MIB1: variants seen among roughly 807,000 people sequenced by gnomAD.
MIB1 encodes MIB E3 ubiquitin protein ligase 1.
Under a neutral mutation model 124.5 loss-of-function variants are expected in MIB1, and 278 were observed. The observed-to-expected ratio is 2.23, with a 90% confidence interval of 2.02 to 2.47. MIB1 has a LOEUF of 2.47. Among genes scored for constraint, MIB1 ranks in the 30% most tolerant of loss-of-function variants. The probability of loss-of-function intolerance (pLI) is 0.00; values close to 1 mark genes in which losing one functional copy is unlikely to be tolerated. For synonymous variants in MIB1, 446 were observed against 429.4 expected (o/e 1.04, Z -0.48); for missense variants, 957 against 1,254.4 (o/e 0.76, Z 3.58).
intron 1 of MIB1, among the ~76,000 whole-genome samples, chr18:21,754,942 T>A (rs368282078): frequency 6.6e-6 from 1 of 152,014 alleles, no homozygotes; most frequent in Non-Finnish European, 1.5e-5. Flanking sequence ...ATGAGGAGGG[T>A]CTACAGTATT....
Position 21,799,837 on chromosome 18 carries a change from A to G in MIB1, c.1238-4A>G. ...TATTAGCAGCTTTATTTGATGCTTT[A>G]CAGAAAGACTCTCACAACTCCTGAA... On this transcript the variant is annotated splice_region_variant and splice_polypyrimidine_tract_variant and intron_variant, in intron 8 of 20. Transcript: ENST00000261537. 2 of 1,608,916 alleles carry G rather than the reference A, an allele frequency of 1.2e-6. No individual in the cohort carries two copies. Among genetic ancestry groups the G allele is most frequent in the Non-Finnish European group, 1.7e-6 (2 of 1,176,802 alleles).
chr18:21,815,452 G>A (rs995262255), intron 10 of MIB1, among the ~76,000 whole-genome samples, 164 bp from the exon 11 acceptor site: 3 of 151,992 alleles, frequency 2.0e-5, no homozygotes, highest in South Asian at 4.2e-4. Flanking sequence ...CAAAGTGCTG[G>A]GATTACAGGC....
At chr18:21,774,691 C>T (rs1345242732) in intron 4 of MIB1, among the ~76,000 whole-genome samples, 5 of 152,000 alleles carry the variant, frequency 3.3e-5, no homozygotes, top group African/African-American at 7.2e-5. Flanking sequence ...GAATACATTC[C>T]GTATTCAAAG....
rs2040855129 is a variant in MIB1 at position 21,741,748 on chromosome 18, C to T, written c.165C>T (p.Gly55=). 1 of 1,611,032 alleles carries T rather than the reference C, an allele frequency of 6.2e-7. No individual in the cohort carries two copies. Among genetic ancestry groups the T allele is most frequent in the East Asian group, 2.2e-5 (1 of 44,768 alleles). ...PEEVVVVWDN[G]TAANYRCSGA... The stretch of plus-strand genomic sequence containing the variant: ...AGGTGGTGGTAGTGTGGGACAACGG[C>T]ACAGCTGCCAACTACCGCTGCTCCG... The change falls in exon 1 of 21, where the codon GGC becomes GGT. Residue 55 remains glycine (G), a synonymous_variant. Coordinates refer to ENST00000261537, the MANE Select transcript of MIB1 (RefSeq NM_020774.4). This position sits in a 1 kb window ranked among gnomAD's most constrained non-coding sequence, Gnocchi z 5.4.
At chr18:21,781,958 G>C (rs1178934032) in intron 6 of MIB1, among the ~76,000 whole-genome samples, 3 of 151,796 alleles carry the variant, frequency 2.0e-5, no homozygotes, top group Non-Finnish European at 4.4e-5. Flanking sequence ...GAAAAATCCA[G>C]CTTTTCATTT....
intron 10 of MIB1, among the ~76,000 whole-genome samples, chr18:21,814,788 G>C (rs1243316746): frequency 6.6e-6 from 1 of 151,102 alleles, no homozygotes; most frequent in Non-Finnish European, 1.5e-5. Flanking sequence ...TGGCCAGGCT[G>C]GTCTTGAACT....
rs1268225863 is a variant in MIB1 at position 21,870,852 on chromosome 18, CTG to C, written c.*6188_*6189del. 1 of 151,998 alleles carries C rather than the reference CTG, an allele frequency of 6.6e-6. No individual in the cohort carries two copies. The highest frequency in any genetic ancestry group is 2.4e-5 in the African/African-American group (1 of 41,382). 9.4% of individuals were successfully genotyped at this position (151,998 alleles called of 1,614,324 possible). On this transcript the variant is annotated 3_prime_UTR_variant, in exon 21 of 21. Coordinates refer to ENST00000261537, the MANE Select transcript of MIB1 (RefSeq NM_020774.4). ...TTTATTTTGAGTAACCTCTAATTAA[CTG>C]TATTTTTTTGTTTCTGTTGCTGTAT...
chr18:21,723,960 T>C (rs2040726383), intron 1 of MIB1, among the ~76,000 whole-genome samples: 2 of 152,116 alleles, frequency 1.3e-5, no homozygotes, highest in African/African-American at 2.4e-5. Context: ...TGCCTTGGCC[T>C]CCCAAAGTGC....
rs537212522 is a variant in MIB1 at position 21,773,605 on chromosome 18, T to A, written c.532-19T>A. On this transcript the variant is annotated intron_variant, in intron 3 of 20. Coordinates refer to ENST00000261537, the MANE Select transcript of MIB1 (RefSeq NM_020774.4). ...CCTCCCCTTTAAAAAACTTCTTTTCTCAAAAACTATTCTGTTAGGTAACAG... is the reference window on the plus strand; with the variant it reads ...CCTCCCCTTTAAAAAACTTCTTTTCACAAAAACTATTCTGTTAGGTAACAG... 1.1e-4 allele frequency: 168 copies of A among 1,579,368 alleles called. 1 individual carries two copies. In the South Asian group the frequency reaches 1.5e-3, roughly 14 times the overall value.
At chr18:21,732,045 G>C (rs1400468367) in intron 1 of MIB1, among the ~76,000 whole-genome samples, 1 of 151,702 alleles carries the variant, frequency 6.6e-6, no homozygotes, top group Non-Finnish European at 1.5e-5. Context: ...ACTTCTTGGT[G>C]GCAGGCGCGG....
At position 21,716,102 on chromosome 18, in the gene MIB1, A is replaced by G. The variant is rs1369746888; in HGVS notation, n.167+10979A>G. Among the ~76,000 whole-genome samples, 3 of 152,228 alleles carry G rather than the reference A, an allele frequency of 2.0e-5. No homozygotes were observed. The East Asian group carries it at 5.8e-4, about 29-fold the overall frequency. Reference sequence around the variant, plus strand: ...TTAAGAAGGAAGAAAGAATCTTAAGAGCTTTGAGGCAAAAGCACCAGGTAA... The same window carrying G: ...TTAAGAAGGAAGAAAGAATCTTAAGGGCTTTGAGGCAAAAGCACCAGGTAA... On this transcript the variant is annotated intron_variant and non_coding_transcript_variant, in intron 1 of 20. Transcript: ENST00000578646.
chr18:21,812,656 T>C (rs1382618754), intron 10 of MIB1, among the ~76,000 whole-genome samples: 1 of 152,176 alleles, frequency 6.6e-6, no homozygotes, highest in Non-Finnish European at 1.5e-5. Context: ...TTCTATCAGC[T>C]AAGATAGGCA....
At chr18:21,860,053 C>T (rs1468834190) in intron 20 of MIB1, among the ~76,000 whole-genome samples, 4 of 144,222 alleles carry the variant, frequency 2.8e-5, no homozygotes, top group African/African-American at 5.1e-5. Flanking sequence ...ATAAGAGTAA[C>T]GTTCCATACT....
At chr18:21,837,122 C>A (rs554513068) in intron 12 of MIB1, among the ~76,000 whole-genome samples, 31 of 152,228 alleles carry the variant, frequency 2.0e-4, no homozygotes, top group African/African-American at 7.2e-4. Context: ...GCCTGTTATC[C>A]CCAAACAGTG....
upstream of MIB1, among the ~76,000 whole-genome samples, chr18:21,740,732 C>G (rs1415359132): frequency 1.3e-5 from 2 of 152,254 alleles, no homozygotes; most frequent in Non-Finnish European, 2.9e-5. Flanking sequence ...CCTCCATCGC[C>G]CGGGGCTGGG....
At chr18:21,812,420 A>G (rs1251363681) in intron 10 of MIB1, 1 of 152,272 alleles carries the variant, frequency 6.6e-6, no homozygotes, top group Admixed American at 6.5e-5. Context: ...TGTGAAGAAT[A>G]GATTGGGATA....
chr18:21,740,884 G>A lies in MIB1; in HGVS notation c.-700G>A, dbSNP rs79066258. ...CTGGAAGCCTTCCCACTCTATTATTGCCGAGGATCCCCCTCCTAGACACTC... is the reference window on the plus strand; with the variant it reads ...CTGGAAGCCTTCCCACTCTATTATTACCGAGGATCCCCCTCCTAGACACTC... On this transcript the variant is annotated 5_prime_UTR_variant, in exon 1 of 21. Transcript: ENST00000261537. 5.3e-5 allele frequency among the ~76,000 whole-genome samples: 8 copies of A among 152,364 alleles called. No individual in the cohort carries two copies. The East Asian group carries it at 1.5e-3, about 29-fold the overall frequency.
intron 12 of MIB1, among the ~76,000 whole-genome samples, chr18:21,837,946 T>A (rs1351971712): frequency 6.6e-6 from 1 of 152,240 alleles, no homozygotes; most frequent in Admixed American, 6.5e-5. Flanking sequence ...ATAAATACTG[T>A]TGATACTGAA....
intron 7 of MIB1, among the ~76,000 whole-genome samples, chr18:21,797,729 C>A (rs762289871): frequency 5.9e-5 from 9 of 151,676 alleles, no homozygotes; most frequent in Non-Finnish European, 1.2e-4. Context: ...TTTTCTTTTT[C>A]AGGCTATATT....
Sources: gnomAD v4.1 joint callset for allele counts (sites outside exome capture counted in the v4.1 genomes callset) on GRCh38, gnomAD v4.1.1 for gene constraint, Gnocchi (gnomAD v3.1) non-coding constraint, MANE v1.5 for transcripts, NCBI Gene and HGNC (gene_info 2026-07-23, HGNC 2026-07-21) for gene names.